The following DNAH6 variants were observed in gnomAD, a reference collection of about 807,000 sequenced individuals.
DNAH6 encodes the protein dynein axonemal heavy chain 6.
DNAH6 carries 340 observed loss-of-function variants against 491.4 expected under a neutral mutation model. The ratio of observed to expected loss-of-function variants is 0.69; its 90% CI spans 0.63 to 0.76. The LOEUF is 0.76. Among genes scored for constraint, DNAH6 ranks in the 30% least tolerant of loss-of-function variants. The pLI, the probability that DNAH6 is intolerant of heterozygous loss-of-function variation, is 0.00. For synonymous variants in DNAH6, 1,603 were observed against 1,686.1 expected (o/e 0.95, Z 1.21); for missense variants, 4,443 against 4,972.2 (o/e 0.89, Z 3.20).
chr2:84,741,230 C>A (rs894682473), intron 62 of DNAH6, among the ~76,000 whole-genome samples: 1 of 152,024 alleles, frequency 6.6e-6, no homozygotes, highest in African/African-American at 2.4e-5. Context: ...AAACTCAGGC[C>A]AAGGATGAGG....
chr2:84,713,135 T>A lies in DNAH6; in HGVS notation c.9419T>A (p.Leu3140Ter). Residue 3140 changes from leucine (L) to a stop codon, truncating the protein, a stop_gained, in exon 57 of 77, where the codon TTG becomes TAG. Coordinates refer to ENST00000389394, the MANE Select transcript of DNAH6 (RefSeq NM_001370.2). LOFTEE classifies it high-confidence loss of function. ...GATCCAGCTCTAGAACCCATTCTTT[T>A]GAAACAAATTTTTATCAGTGGTGGC... is the stretch of plus-strand genomic sequence containing the variant. Reference protein sequence around the residue: ...TLDPALEPILLKQIFISGGRL... With the variant: ...TLDPALEPIL 6.4e-7 allele frequency: 1 copy of A among 1,551,776 alleles called. No individual in the cohort carries two copies. Among genetic ancestry groups the A allele is most frequent in the Non-Finnish European group, 8.7e-7 (1 of 1,147,002 alleles).
At chr2:84,618,490 A>G (rs556831213) in intron 23 of DNAH6, among the ~76,000 whole-genome samples, 4 of 152,228 alleles carry the variant, frequency 2.6e-5, no homozygotes, top group African/African-American at 9.6e-5. Flanking sequence ...ATGCAGGGAT[A>G]TTGCTAAGTT....
chr2:84,496,087 T>C, the DNAH6 span, among the ~76,000 whole-genome samples: 1 of 152,144 alleles, frequency 6.6e-6, no homozygotes, highest in African/African-American at 2.4e-5. Context: ...ATAGAATAAA[T>C]AAGGCCCCAA....
intron 18 of DNAH6, among the ~76,000 whole-genome samples, chr2:84,598,916 G>GCTAC (rs1684946680): frequency 6.6e-6 from 1 of 151,776 alleles, no homozygotes; most frequent in African/African-American, 2.4e-5. Flanking sequence ...TGTAGTCCTG[G>GCTAC]CTACCTGGGA....
intron 36 of DNAH6, 42 bp downstream of exon 36, chr2:84,658,516 GATT>G: frequency 7.6e-7 from 1 of 1,311,052 alleles, no homozygotes; most frequent in Non-Finnish European, 1.0e-6. Flanking sequence ...AGAAAAATTA[GATT>G]ATTGTATAAG....
At chr2:84,714,123 C>T (rs1190600202) in intron 57 of DNAH6, among the ~76,000 whole-genome samples, 1 of 152,212 alleles carries the variant, frequency 6.6e-6, no homozygotes, top group Non-Finnish European at 1.5e-5. Flanking sequence ...GTGCACTCTG[C>T]AGGCTCTTAC....
At chr2:84,562,589 G>C (rs1487107833) in intron 11 of DNAH6, among the ~76,000 whole-genome samples, 3 of 152,186 alleles carry the variant, frequency 2.0e-5, no homozygotes, top group Non-Finnish European at 4.4e-5. Context: ...GCAGGACTCA[G>C]TGTATAATTT....
At chr2:84,574,679 G>A (rs1486669298) in intron 12 of DNAH6, among the ~76,000 whole-genome samples, 1 of 152,178 alleles carries the variant, frequency 6.6e-6, no homozygotes, top group Non-Finnish European at 1.5e-5. Context: ...CTTAGTGTGT[G>A]CTGAACAGAA....
intron 44 of DNAH6, among the ~76,000 whole-genome samples, chr2:84,687,629 T>C (rs1318645923): frequency 6.6e-6 from 1 of 152,148 alleles, no homozygotes; most frequent in Non-Finnish European, 1.5e-5. Flanking sequence ...CATGAGGGAA[T>C]ACACACAGAA....
rs370047676 is a variant in DNAH6 at position 84,584,250 on chromosome 2, G to A, written c.2481G>A (p.Gln827=). The change falls in exon 15 of 77, where the codon CAG becomes CAA. Residue 827 remains glutamine (Q), a splice_region_variant and synonymous_variant. Transcript: ENST00000389394. The part of the protein sequence containing the change: ...NEVNEVKLQA[Q]DPQILDISAD... Reference sequence around the variant, plus strand: ...TGAATGAAGTAAAACTGCAAGCACAGGTAAGCTAAATCATTATTTTGTAAA... The same window carrying A: ...TGAATGAAGTAAAACTGCAAGCACAAGTAAGCTAAATCATTATTTTGTAAA... 3 of 1,612,402 alleles carry A rather than the reference G, an allele frequency of 1.9e-6. No individual in the cohort carries two copies. The highest frequency in any genetic ancestry group is 2.5e-6 in the Non-Finnish European group (3 of 1,178,756).
At chr2:84,724,544 C>T (rs759474325) in intron 60 of DNAH6, among the ~76,000 whole-genome samples, 5 of 152,252 alleles carry the variant, frequency 3.3e-5, no homozygotes, top group Non-Finnish European at 7.3e-5. Flanking sequence ...CTGACACTCC[C>T]TCTGTTTAAA....
At chr2:84,620,937 A>T (rs1241671799) in intron 24 of DNAH6, among the ~76,000 whole-genome samples, 1 of 152,210 alleles carries the variant, frequency 6.6e-6, no homozygotes, top group Non-Finnish European at 1.5e-5. Context: ...AGGAAAGTGA[A>T]AATAAGTGGA....
chr2:84,534,358 T>G (rs567251457), intron 4 of DNAH6, among the ~76,000 whole-genome samples: 2 of 152,258 alleles, frequency 1.3e-5, no homozygotes, highest in South Asian at 4.1e-4. Flanking sequence ...CTTCCTGAAT[T>G]CAGAAAATAT....
intron 68 of DNAH6, 118 bp downstream of exon 68, chr2:84,787,420 A>G (rs999009019): frequency 2.8e-6 from 2 of 721,732 alleles, no homozygotes; most frequent in South Asian, 2.1e-5. Context: ...GGTGATGATG[A>G]TATTTTATGT....
At chr2:84,538,975 T>TA (rs1296501670) in intron 4 of DNAH6, among the ~76,000 whole-genome samples, 2 of 152,044 alleles carry the variant, frequency 1.3e-5, no homozygotes, top group African/African-American at 2.4e-5. Context: ...TAATTATTTT[T>TA]AAAAAAACTT....
intron 20 of DNAH6, among the ~76,000 whole-genome samples, chr2:84,606,483 G>A (rs892132063): frequency 2.6e-5 from 4 of 152,156 alleles, no homozygotes; most frequent in African/African-American, 9.7e-5. Context: ...AGTAGTAGGG[G>A]AGGGAGGTGG....
the DNAH6 span, among the ~76,000 whole-genome samples, chr2:84,482,224 C>T: frequency 3.2e-3 from 486 of 152,230 alleles, 5 homozygotes; most frequent in Non-Finnish European, 3.4e-3. Context: ...ACGCCTACCT[C>T]ACAGGGTTGT....
intron 21 of DNAH6, among the ~76,000 whole-genome samples, chr2:84,610,402 G>A (rs1686209790): frequency 1.3e-5 from 2 of 152,160 alleles, no homozygotes; most frequent in Admixed American, 6.6e-5. Context: ...CACTCAAGGG[G>A]AGAGGATTAC....
chr2:84,734,224 C>A (rs1699351378), intron 62 of DNAH6, among the ~76,000 whole-genome samples: 1 of 149,352 alleles, frequency 6.7e-6, no homozygotes, highest in Non-Finnish European at 1.5e-5. Flanking sequence ...CAGCTCACTG[C>A]AAGCTCCGCC....
Sources: gnomAD v4.1 joint callset for allele counts (sites outside exome capture counted in the v4.1 genomes callset) on GRCh38, gnomAD v4.1.1 for gene constraint, MANE v1.5 for transcripts, NCBI Gene and HGNC (gene_info 2026-07-23, HGNC 2026-07-21) for gene names.